Variants in MFNG observed in about 807,000 individuals in gnomAD.
MFNG encodes the protein MFNG O-fucosylpeptide 3-beta-N-acetylglucosaminyltransferase.
A neutral mutation model predicts 34.2 loss-of-function variants in MFNG; 24 were observed. The observed-to-expected ratio is 0.70, with a 90% CI of 0.51 to 0.99. The LOEUF (loss-of-function observed/expected upper bound fraction) is 0.99, where lower values mean the gene tolerates loss of function less well. Ranked by LOEUF, MFNG falls within the 50% of genes least tolerant of loss-of-function variation. MFNG has a pLI of 0.00. For synonymous variants in MFNG, 158 were observed against 179.2 expected, an observed-to-expected ratio of 0.88 and a Z score of 0.94; for missense variants, 383 against 424.0, an observed-to-expected ratio of 0.90 and a Z score of 0.85.
At chr22:37,473,572 C>T (rs1921903534) in intron 6 of MFNG, among the ~76,000 whole-genome samples, 1 of 152,216 alleles carries the variant, frequency 6.6e-6, no homozygotes, top group Non-Finnish European at 1.5e-5. Flanking sequence ...CCTAATGGGA[C>T]CAACCTCACA....
chr22:37,472,412 T>C (rs1409303217), intron 7 of MFNG, 31 bp downstream of exon 7: 1 of 1,522,274 alleles, frequency 6.6e-7, no homozygotes, highest in South Asian at 1.2e-5. Flanking sequence ...CCCCCACTCC[T>C]CCCATCCAAG....
rs780545889 is a variant in MFNG at position 37,480,317 on chromosome 22, A to C, written c.305-18T>G. 1.2e-6 allele frequency: 2 copies of C among 1,604,424 alleles called. No individual in the cohort carries two copies. Among genetic ancestry groups the C allele is most frequent in the East Asian group, 2.2e-5 (1 of 44,756 alleles). ...GTGGGACCCTGGAGAAGTGAGGAGGAGTCAGGGGACCCTGCCCAGGTCCCC... is the reference window on the plus strand; with the variant it reads ...GTGGGACCCTGGAGAAGTGAGGAGGCGTCAGGGGACCCTGCCCAGGTCCCC... On this transcript the variant is annotated intron_variant, in intron 2 of 7. Coordinates refer to ENST00000356998, the MANE Select transcript of MFNG (RefSeq NM_002405.4).
intron 6 of MFNG, 156 bp from the exon 7 acceptor site, chr22:37,472,684 C>T: frequency 3.2e-6 from 2 of 615,676 alleles, no homozygotes; most frequent in Admixed American, 3.8e-5. Context: ...ACCCCACGCC[C>T]CAAGGCACTT....
chr22:37,474,022 C>T (rs568405538), intron 6 of MFNG, among the ~76,000 whole-genome samples: 26 of 152,264 alleles, frequency 1.7e-4, no homozygotes, highest in Non-Finnish European at 2.9e-4. Context: ...GAGCGTCCCC[C>T]CAAAGACCCA....
Position 37,482,736 on chromosome 22 carries a change from C to T in MFNG, c.256-1967G>A, listed in dbSNP as rs1014021669. 2.0e-5 allele frequency among the ~76,000 whole-genome samples: 3 copies of T among 152,138 alleles called. No individual in the cohort carries two copies. Among genetic ancestry groups the T allele is most frequent in the African/African-American group, 7.2e-5 (3 of 41,428 alleles). ...CATCCTGGAGACCACAGGCTGGGTC[C>T]AATTTGTCTCCTTGCTCCGGCACCT... is the stretch of plus-strand genomic sequence containing the variant. On this transcript the variant is annotated intron_variant, in intron 1 of 7. Coordinates refer to ENST00000356998, the MANE Select transcript of MFNG (RefSeq NM_002405.4). The surrounding 1 kb of genome is among the most constrained non-coding windows in gnomAD (Gnocchi z 4.1).
chr22:37,476,950 C>T lies in MFNG; in HGVS notation c.593G>A (p.Gly198Asp), dbSNP rs746712436. 1 of 1,613,972 alleles carries T rather than the reference C, an allele frequency of 6.2e-7. No individual in the cohort carries two copies. Among genetic ancestry groups the T allele is most frequent in the African/African-American group, 1.3e-5 (1 of 74,898 alleles). Residue 198 changes from glycine (G) to aspartate (D), a missense_variant, in exon 5 of 8, where the codon GGT becomes GAT. Gly to Asp is a moderately conservative substitution (Grantham distance 94). Transcript: ENST00000356998. ...TTTGCGATTGATGCAGAAGCCAGCA[C>T]CCCCAGTGGCAAACCAGAACTGTAC... ...RLVQFWFATG[G>D]AGFCINRKLA...
intron 4 of MFNG, among the ~76,000 whole-genome samples, chr22:37,477,595 C>T (rs547107248): frequency 2.0e-5 from 3 of 152,234 alleles, no homozygotes; most frequent in Admixed American, 6.5e-5. Context: ...TACAGACGTG[C>T]GCCACCACGC....
chr22:37,476,751 CCAACTGCCGCTCTGTGACACACG>C (rs1922060221), intron 5 of MFNG, 122 bp downstream of exon 5: 3 of 711,268 alleles, frequency 4.2e-6, no homozygotes, highest in Admixed American at 2.3e-5. Flanking sequence ...TTGTTCACCA[CCAACTGCCGCTCTGTGACACACG>C]CAAATGAGGA....
chr22:37,480,117 A>C, intron 3 of MFNG, 80 bp downstream of exon 3: 1 of 1,147,010 alleles, frequency 8.7e-7, no homozygotes, highest in South Asian at 1.6e-5. Context: ...GTGGGGGCTG[A>C]AGTCAGACCC....
At chr22:37,472,250 C>A (rs1303726926) in intron 7 of MFNG, among the ~76,000 whole-genome samples, 193 bp downstream of exon 7, 2 of 152,138 alleles carry the variant, frequency 1.3e-5, no homozygotes, top group Non-Finnish European at 2.9e-5. Context: ...CCAGAGAGGG[C>A]AAGACACTTG....
At chr22:37,473,470 A>G (rs1037314757) in intron 6 of MFNG, among the ~76,000 whole-genome samples, 6 of 149,858 alleles carry the variant, frequency 4.0e-5, no homozygotes, top group African/African-American at 1.5e-4. Context: ...GGTGCCTGGC[A>G]TTGTGGGTAC....
At chr22:37,470,063 C>T (rs202048054) in intron 7 of MFNG, 34 bp from the exon 8 acceptor site, 168 of 1,512,722 alleles carry the variant, frequency 1.1e-4, no homozygotes, top group South Asian at 4.1e-4. Context: ...AGGATGGTCA[C>T]CCCCCACTTC....
At chr22:37,471,516 G>A (rs974629554) in intron 7 of MFNG, among the ~76,000 whole-genome samples, 4 of 151,722 alleles carry the variant, frequency 2.6e-5, no homozygotes, top group South Asian at 2.1e-4. Context: ...CCCCCATCCC[G>A]CCACCCCTGG....
In MFNG at chr22:37,476,887, T is replaced by C. The variant is rs767854843; in HGVS notation, c.647+9A>G. On this transcript the variant is annotated intron_variant, in intron 5 of 7. Transcript: ENST00000356998. ...CCGCCTTCCTGCCCACCCCTGGGTC[T>C]CTGCTTACCTGGCCCACGGAGCCAT... 7 of 1,603,116 alleles carry C rather than the reference T, an allele frequency of 4.4e-6. No individual in the cohort carries two copies. Among genetic ancestry groups the C allele is most frequent in the East Asian group, 2.2e-5 (1 of 44,662 alleles).
At chr22:37,472,320 C>T (rs534526743) in intron 7 of MFNG, 123 bp downstream of exon 7, 1 of 713,570 alleles carries the variant, frequency 1.4e-6, no homozygotes, top group Non-Finnish European at 2.3e-6. Flanking sequence ...TCCCTCCACT[C>T]CTAGCTCTGT....
rs772577955 is a variant in MFNG, at chr22:37,486,184, G to C, written c.-7C>G. The C allele has an allele frequency of 4.5e-6, 7 of 1,547,420 alleles. No homozygotes were observed. The African/African-American group carries it at 6.8e-5, about 15-fold the overall frequency. On this transcript the variant is annotated 5_prime_UTR_variant, in exon 1 of 8. Transcript: ENST00000356998. Reference sequence around the variant, plus strand: ...GCGGGAGCCGGCACTGCATTGGTTGGCCCTGGGACCCCAGACAGCTCAGCC... The same window carrying C: ...GCGGGAGCCGGCACTGCATTGGTTGCCCCTGGGACCCCAGACAGCTCAGCC...
At position 37,469,663 on chromosome 22, in the gene MFNG, C is replaced by T; in HGVS notation, c.*300G>A. 1 of 474,496 alleles carries T rather than the reference C, an allele frequency of 2.1e-6. No homozygotes were observed. The highest frequency in any genetic ancestry group is 4.0e-6 in the Non-Finnish European group (1 of 252,914). 29.4% of individuals were successfully genotyped at this position (474,496 alleles called of 1,614,324 possible). ...CCTAAAGGGTTAGGACCCCTGAGCCCCAGCCCAGCTCAAGTGCCCCCTGCC... is the reference window on the plus strand; with the variant it reads ...CCTAAAGGGTTAGGACCCCTGAGCCTCAGCCCAGCTCAAGTGCCCCCTGCC... On this transcript the variant is annotated 3_prime_UTR_variant, in exon 8 of 8. Coordinates refer to ENST00000356998, the MANE Select transcript of MFNG (RefSeq NM_002405.4).
intron 6 of MFNG, among the ~76,000 whole-genome samples, chr22:37,473,623 G>T (rs555406484): frequency 2.1e-4 from 32 of 152,302 alleles, no homozygotes; most frequent in African/African-American, 7.7e-4. Context: ...AACTCCAGGT[G>T]CTGGTAGGAG....
chr22:37,479,111 A>T (rs1351421193), intron 4 of MFNG, among the ~76,000 whole-genome samples: 1 of 152,126 alleles, frequency 6.6e-6, no homozygotes, highest in Non-Finnish European at 1.5e-5. Flanking sequence ...TTCCTGGGGG[A>T]TGGAGGCCTC....
Sources: allele counts gnomAD v4.1 joint callset (sites outside exome capture counted in the v4.1 genomes callset), GRCh38; gene constraint gnomAD v4.1.1; non-coding constraint Gnocchi (gnomAD v3.1); transcripts MANE v1.5; gene names NCBI Gene and HGNC (gene_info 2026-07-23, HGNC 2026-07-21).